The following TKT variants were observed in gnomAD, a reference collection of about 807,000 sequenced individuals.
The protein encoded by TKT is transketolase.
TKT carries 47 observed loss-of-function variants against 63.9 expected under a neutral mutation model. That is an observed-to-expected ratio of 0.74 (90% CI 0.58 to 0.94). The LOEUF is 0.94. Among genes scored for constraint, TKT ranks in the 40% least tolerant of loss-of-function variants. The pLI is 0.00. For missense variants in TKT, 721 were observed against 846.2 expected (o/e 0.85, Z 1.84); for synonymous variants, 338 against 334.1 (o/e 1.01, Z -0.13).
chr3:53,228,019 C>A (rs782591054), intron 12 of TKT, 37 bp downstream of exon 12: 2 of 1,585,566 alleles, frequency 1.3e-6, no homozygotes, highest in South Asian at 1.1e-5. Context: ...ATGCAGTGGC[C>A]GCTCAGTTGA....
At chr3:53,230,245 G>A (rs919150583) in intron 8 of TKT, among the ~76,000 whole-genome samples, 20 of 152,226 alleles carry the variant, frequency 1.3e-4, no homozygotes, top group Admixed American at 3.9e-4. Context: ...TCCCCCATGT[G>A]CACACCTGTC....
In TKT at chr3:53,237,495, TACACACACAC is replaced by T. The variant is rs3075727; in HGVS notation, c.438-2331_438-2322del. On this transcript the variant is annotated intron_variant, in intron 4 of 13. Transcript: ENST00000462138. ...AAGTGTAATACTAGATTTTATATTA[TACACACACAC>T]ACACACACACACACACACACACACA... is the stretch of plus-strand genomic sequence containing the variant. Among the ~76,000 whole-genome samples, 202 of 144,896 alleles carry T rather than the reference TACACACACAC, an allele frequency of 1.4e-3. 2 individuals carry two copies. The highest frequency in any genetic ancestry group is 0.011 in the Middle Eastern group (3 of 282).
Position 53,235,024 on chromosome 3 carries a change from C to T in TKT, c.588G>A (p.Gln196=), listed in dbSNP as rs1176582718. Residue 196 remains glutamine, a synonymous_variant, in exon 5 of 14, where the codon CAG becomes CAA. Coordinates refer to ENST00000462138, the MANE Select transcript of TKT (RefSeq NM_001064.4). Reference sequence around the variant, plus strand: ...GCTTCTGGTAGATGTCCATCTGGTGCTGCAGTGGGGCCGGGTCACTCTGGC... The same window carrying T: ...GCTTCTGGTAGATGTCCATCTGGTGTTGCAGTGGGGCCGGGTCACTCTGGC... ...RLGQSDPAPL[Q]HQMDIYQKRC... The T allele has an allele frequency of 6.2e-7, 1 of 1,613,902 alleles. No individual in the cohort carries two copies. The highest frequency in any genetic ancestry group is 8.5e-7 in the Non-Finnish European group (1 of 1,179,944).
chr3:53,236,951 T>C (rs1275056736), intron 4 of TKT, among the ~76,000 whole-genome samples: 1 of 152,162 alleles, frequency 6.6e-6, no homozygotes, highest in Non-Finnish European at 1.5e-5. Context: ...CATGAACTAA[T>C]TTGAAGAGAG....
chr3:53,252,224 A>G (rs1450862444), intron 1 of TKT, among the ~76,000 whole-genome samples: 1 of 152,248 alleles, frequency 6.6e-6, no homozygotes, highest in African/African-American at 2.4e-5. Context: ...AGCTGTGACT[A>G]CAGCCCAGAT....
intron 5 of TKT, chr3:53,234,275 C>T (rs1553677969): frequency 6.6e-6 from 1 of 152,306 alleles, no homozygotes. Context: ...TAGTCACAGG[C>T]ATGGGTTCAT....
intron 1 of TKT, among the ~76,000 whole-genome samples, chr3:53,247,398 G>T (rs187720076): frequency 1.3e-5 from 2 of 148,240 alleles, no homozygotes; most frequent in Non-Finnish European, 3.0e-5. Context: ...GGCCAGGGGC[G>T]GTGGCTCACC....
Position 53,225,667 on chromosome 3 carries a change from A to G in TKT, c.*89T>C, listed in dbSNP as rs901336866. 2.4e-5 allele frequency: 33 copies of G among 1,376,500 alleles called. No individual in the cohort carries two copies. Among genetic ancestry groups the G allele is most frequent in the East Asian group, 9.7e-5 (4 of 41,070 alleles). The allele number at this position is 1,376,500 out of a possible 1,614,324, so 85.3% of individuals were successfully genotyped here. A position where few individuals can be genotyped will look rare whatever the true frequency, so the allele number is the denominator to read the frequency against. ...GGCCAATTCATTTTTCTCAAAACAT[A>G]TATTTACCCCTCCTCTCAGTACATC... On this transcript the variant is annotated 3_prime_UTR_variant, in exon 14 of 14. Coordinates refer to ENST00000462138, the MANE Select transcript of TKT (RefSeq NM_001064.4).
intron 13 of TKT, 192 bp downstream of exon 13, chr3:53,226,564 G>A: frequency 1.5e-6 from 1 of 683,770 alleles, no homozygotes; most frequent in South Asian, 1.9e-5. Flanking sequence ...CTCATCAGCA[G>A]CTGTGAGTTA....
chr3:53,233,849 C>T (rs577340174), intron 5 of TKT: 4 of 152,382 alleles, frequency 2.6e-5, no homozygotes, highest in Non-Finnish European at 5.9e-5. Context: ...AACTGAGTGC[C>T]ATGCCAACCA....
intron 1 of TKT, 118 bp from the exon 2 acceptor site, chr3:53,242,360 T>G: frequency 1.0e-6 from 1 of 956,066 alleles, no homozygotes; most frequent in South Asian, 1.4e-5. Flanking sequence ...AGGCCTGGCT[T>G]ATCAGACAGC....
chr3:53,225,782 C>T lies in TKT; in HGVS notation c.1846G>A (p.Val616Met), dbSNP rs144283834. ...GIDRDAIAQA[V>M]RGLITKA ...TAGGCCTTGGTGATGAGGCCCCTCACAGCTTGTGCAATGGCATCCCTGTCG... is the reference window on the plus strand; with the variant it reads ...TAGGCCTTGGTGATGAGGCCCCTCATAGCTTGTGCAATGGCATCCCTGTCG... The change falls in exon 14 of 14, where the codon GTG becomes ATG. Residue 616 changes from valine to methionine, a missense_variant. By Grantham distance (21) the Val-to-Met change is conservative (BLOSUM62 1). Transcript: ENST00000462138. 2.2e-5 allele frequency: 36 copies of T among 1,613,800 alleles called. 1 individual carries two copies. In the East Asian group the frequency reaches 6.7e-4, roughly 30 times the overall value.
intron 5 of TKT, chr3:53,234,019 C>T (rs1269181297): frequency 2.6e-5 from 4 of 152,274 alleles, no homozygotes; most frequent in Non-Finnish European, 4.4e-5. Context: ...AGGAATCTGG[C>T]TTGAGTCACG....
At chr3:53,227,073 G>A (rs1420262021) in intron 12 of TKT, 195 bp from the exon 13 acceptor site, 6 of 633,018 alleles carry the variant, frequency 9.5e-6, no homozygotes, top group African/African-American at 1.9e-5. Context: ...CCTTGCACTG[G>A]GGCATCTGGT....
At position 53,228,533 on chromosome 3, in the gene TKT, ACT is replaced by A. The variant is rs1704603082; in HGVS notation, c.1396-176_1396-175del. On this transcript the variant is annotated intron_variant, in intron 10 of 13. Transcript: ENST00000462138. ...TCTGCCGCCCGCACCCCACTTGAAC[ACT>A]CTGAGAACTGCCCACCACCTTGCAG... 4.6e-6 allele frequency: 3 copies of A among 645,698 alleles called. No homozygotes were observed. The Admixed American group carries it at 8.1e-5, about 18-fold the overall frequency. The allele number at this position is 645,698 out of a possible 1,614,324, so 40.0% of individuals were successfully genotyped here.
At chr3:53,250,154 A>G (rs1705684855) in intron 1 of TKT, among the ~76,000 whole-genome samples, 1 of 152,210 alleles carries the variant, frequency 6.6e-6, no homozygotes, top group Non-Finnish European at 1.5e-5. Flanking sequence ...ACACTGAGTG[A>G]GGAAATGCTG....
rs1553676969 is a variant in TKT at position 53,231,392 on chromosome 3, T to C, written c.907A>G (p.Met303Val). The C allele has an allele frequency of 1.9e-6, 3 of 1,613,776 alleles. No homozygotes were observed. Among genetic ancestry groups the C allele is most frequent in the East Asian group, 2.2e-5 (1 of 44,900 alleles). ...ACTTTGTAGCTGGGCAGGCTGGGCATGCGGATGTTGGCAATGTCCACTGAG... is the reference window on the plus strand; with the variant it reads ...ACTTTGTAGCTGGGCAGGCTGGGCACGCGGATGTTGGCAATGTCCACTGAG... ...APSVDIANIR[M>V]PSLPSYKVGD... Residue 303 changes from methionine (M) to valine (V), a missense_variant, in exon 7 of 14, where the codon ATG (methionine) becomes GTG (valine). Physicochemically the swap from Met to Val is conservative, Grantham distance 21. Transcript: ENST00000462138.
chr3:53,254,851 C>G lies in TKT; in HGVS notation c.107+985G>C, dbSNP rs144841814. Among the ~76,000 whole-genome samples, 314 of 152,362 alleles carry G rather than the reference C, an allele frequency of 2.1e-3. 1 individual carries two copies. Among genetic ancestry groups the G allele is most frequent in the Non-Finnish European group, 3.4e-3 (233 of 68,032 alleles). ...TGGCCCTCATTAATTATCCCTGTCT[C>G]CGCTACAGAGGAGGCTCCTTGGGTG... On this transcript the variant is annotated intron_variant, in intron 1 of 13. Transcript: ENST00000462138.
At chr3:53,253,973 G>C (rs1466554765) in intron 1 of TKT, among the ~76,000 whole-genome samples, 2 of 152,156 alleles carry the variant, frequency 1.3e-5, no homozygotes, top group Non-Finnish European at 2.9e-5. Context: ...GCCTGGGCAA[G>C]TAACTTAACA....
Sources: allele counts gnomAD v4.1 joint callset (sites outside exome capture counted in the v4.1 genomes callset), GRCh38; gene constraint gnomAD v4.1.1; transcripts MANE v1.5; gene names NCBI Gene and HGNC (gene_info 2026-07-23, HGNC 2026-07-21).